Variants in ATP13A5 observed in about 807,000 individuals in gnomAD.
ATP13A5 encodes probable cation-transporting ATPase 13A5.
In ATP13A5, 149 loss-of-function variants were observed where a neutral mutation model predicts 150.2. The ratio of observed to expected loss-of-function variants is 0.99; its 90% CI spans 0.87 to 1.14. ATP13A5 has a LOEUF of 1.14. Among genes scored for constraint, ATP13A5 ranks in the 50% most tolerant of loss-of-function variants. The pLI, the probability that ATP13A5 is intolerant of heterozygous loss-of-function variation, is 0.00. For synonymous variants in ATP13A5, 497 were observed against 522.2 expected, an observed-to-expected ratio of 0.95 and a Z score of 0.66; for missense variants, 1,383 against 1,449.3, an observed-to-expected ratio of 0.95 and a Z score of 0.74.
At chr3:193,364,353 C>T (rs2108580995) in intron 1 of ATP13A5, 73 bp from the exon 2 acceptor site, 1 of 1,530,744 alleles carries the variant, frequency 6.5e-7, no homozygotes, top group African/African-American at 1.4e-5. Context: ...TTTCAATAAA[C>T]CAAACTTGAG....
intron 1 of ATP13A5, among the ~76,000 whole-genome samples, chr3:193,378,269 T>C (rs1713713581): frequency 6.6e-6 from 1 of 152,194 alleles, no homozygotes; most frequent in South Asian, 2.1e-4. Context: ...GCCTAGGTTA[T>C]GCATACATAC....
chr3:193,368,779 T>C (rs1277205084), intron 1 of ATP13A5, among the ~76,000 whole-genome samples: 1 of 151,978 alleles, frequency 6.6e-6, no homozygotes, highest in Non-Finnish European at 1.5e-5. Flanking sequence ...GTTTGTACCA[T>C]ATACAAAAAT....
chr3:193,341,162 A>AT (rs935151610), intron 9 of ATP13A5, among the ~76,000 whole-genome samples: 14 of 125,836 alleles, frequency 1.1e-4, no homozygotes, highest in Admixed American at 3.9e-4. Context: ...AAATTAACAT[A>AT]TTCCCCCCCC....
At chr3:193,352,333 T>A (rs1443090481) in intron 6 of ATP13A5, among the ~76,000 whole-genome samples, 1 of 152,242 alleles carries the variant, frequency 6.6e-6, no homozygotes, top group East Asian at 1.9e-4. Flanking sequence ...ATGCTCTGAT[T>A]GTAGATTATG....
chr3:193,279,487 T>G (rs780428421), intron 27 of ATP13A5, 33 bp from the exon 28 acceptor site: 5 of 1,553,462 alleles, frequency 3.2e-6, no homozygotes, highest in Middle Eastern at 1.7e-4. Flanking sequence ...TTTTAGATGT[T>G]AAAAGAATGT....
At chr3:193,299,773 G>A (rs1718331025) in intron 24 of ATP13A5, among the ~76,000 whole-genome samples, 1 of 152,122 alleles carries the variant, frequency 6.6e-6, no homozygotes, top group African/African-American at 2.4e-5. Context: ...TAGAGTTGAA[G>A]TATTTAGATA....
intron 8 of ATP13A5, among the ~76,000 whole-genome samples, chr3:193,344,759 G>A (rs762915901): frequency 1.3e-5 from 2 of 152,168 alleles, no homozygotes; most frequent in Non-Finnish European, 2.9e-5. Context: ...AGGCAAGCAA[G>A]CTGTCCAGTG....
intron 14 of ATP13A5, 150 bp from the exon 15 acceptor site, chr3:193,322,724 A>G (rs1577349448): frequency 4.8e-6 from 3 of 620,702 alleles, no homozygotes; most frequent in East Asian, 5.6e-5. Context: ...TCATTGTCAA[A>G]TTTCTGTTGT....
chr3:193,303,803 A>T (rs543140372), intron 23 of ATP13A5, among the ~76,000 whole-genome samples: 1 of 151,592 alleles, frequency 6.6e-6, no homozygotes, highest in East Asian at 1.9e-4. Context: ...GTATATAAAT[A>T]TATATACACA....
chr3:193,298,335 C>T (rs1182022205), intron 25 of ATP13A5, among the ~76,000 whole-genome samples: 1 of 152,042 alleles, frequency 6.6e-6, no homozygotes, highest in Non-Finnish European at 1.5e-5. Context: ...TATGAATAGA[C>T]ATTTCAACCC....
At chr3:193,342,161 T>G (rs1416257014) in intron 9 of ATP13A5, among the ~76,000 whole-genome samples, 3 of 152,244 alleles carry the variant, frequency 2.0e-5, no homozygotes, top group Non-Finnish European at 4.4e-5. Context: ...TTATAAAATG[T>G]AAGTTGCTAT....
chr3:193,277,877 G>C (rs1717296160), intron 28 of ATP13A5: 2 of 152,226 alleles, frequency 1.3e-5, no homozygotes, highest in Non-Finnish European at 2.9e-5. Flanking sequence ...TCAGGCTGGA[G>C]TGCAGTGGCA....
At chr3:193,303,379 T>C (rs1718479529) in intron 23 of ATP13A5, among the ~76,000 whole-genome samples, 1 of 152,160 alleles carries the variant, frequency 6.6e-6, no homozygotes, top group Non-Finnish European at 1.5e-5. Flanking sequence ...CTGTCTTGTT[T>C]GGACATTAAT....
chr3:193,345,641 G>A (rs1030704629), intron 7 of ATP13A5, among the ~76,000 whole-genome samples: 17 of 152,280 alleles, frequency 1.1e-4, no homozygotes, highest in African/African-American at 4.1e-4. Flanking sequence ...ATGAGTCGCT[G>A]AAGATTGGCC....
Position 193,310,724 on chromosome 3 carries a change from A to G in ATP13A5, c.2446-7T>C, listed in dbSNP as rs768701022. The G allele has an allele frequency of 5.6e-6, 9 of 1,596,038 alleles. No individual in the cohort carries two copies. Among genetic ancestry groups the G allele is most frequent in the African/African-American group, 1.4e-5 (1 of 73,750 alleles). ...CTGTTCCATTCACCAGAATCTAAAAAGAAAAAACAACCATTGCAATATGAT... is the reference window on the plus strand; with the variant it reads ...CTGTTCCATTCACCAGAATCTAAAAGGAAAAAACAACCATTGCAATATGAT... On this transcript the variant is annotated splice_region_variant and splice_polypyrimidine_tract_variant and intron_variant, in intron 20 of 29. Coordinates refer to ENST00000342358, the MANE Select transcript of ATP13A5 (RefSeq NM_198505.4).
rs1298810810 is a variant in ATP13A5 at position 193,319,040 on chromosome 3, G to T, written c.1984C>A (p.His662Asn). ...AGATTCCCCATCTTTAAGGTTTTGT[G>T]GGCAAGAGCAATGACACGGAAGCCT... The part of the protein sequence containing the change: ...VQGFRVIALA[H>N]KTLKMGNLSE... The change falls in exon 17 of 30, where the codon CAC (histidine) becomes AAC (asparagine). Residue 662 changes from histidine (H) to asparagine (N), a missense_variant. Coordinates refer to ENST00000342358, the MANE Select transcript of ATP13A5 (RefSeq NM_198505.4). 1.2e-6 allele frequency: 2 copies of T among 1,613,814 alleles called. No homozygotes were observed. Among genetic ancestry groups the T allele is most frequent in the African/African-American group, 2.7e-5 (2 of 74,896 alleles).
Position 193,331,171 on chromosome 3 carries a change from T to C in ATP13A5, c.1413A>G (p.Pro471=). The C allele has an allele frequency of 6.2e-7, 1 of 1,614,082 alleles. No individual in the cohort carries two copies. Among genetic ancestry groups the C allele is most frequent in the Non-Finnish European group, 8.5e-7 (1 of 1,179,972 alleles). ...LKKKKIFCIS[P]QRINMCGQIN... ...TTTGCCCACACATGTTGATTCTCTG[T>C]GGGGAGATACAGAAGATTTTCTTTT... Residue 471 remains proline (P), a synonymous_variant, in exon 12 of 30, where the codon CCA becomes CCG. Coordinates refer to ENST00000342358, the MANE Select transcript of ATP13A5 (RefSeq NM_198505.4).
intron 14 of ATP13A5, 138 bp downstream of exon 14, chr3:193,324,726 G>A: frequency 1.1e-6 from 1 of 901,854 alleles, no homozygotes; most frequent in Admixed American, 2.5e-5. Context: ...CACAGGTTGG[G>A]AAGTTCTGGT....
intron 9 of ATP13A5, among the ~76,000 whole-genome samples, chr3:193,342,906 C>T (rs1047644239): frequency 6.6e-6 from 1 of 152,174 alleles, no homozygotes; most frequent in African/African-American, 2.4e-5. Context: ...TGGCAACATT[C>T]TGGGTAAAAG....
Sources: allele counts gnomAD v4.1 joint callset (sites outside exome capture counted in the v4.1 genomes callset), GRCh38; gene constraint gnomAD v4.1.1; transcripts MANE v1.5; gene names NCBI Gene and HGNC (gene_info 2026-07-23, HGNC 2026-07-21).